UBE3D: variants seen among roughly 807,000 people sequenced by gnomAD.
The protein encoded by UBE3D is E3 ubiquitin-protein ligase E3D.
UBE3D carries 48 observed loss-of-function variants against 49.6 expected under a neutral mutation model. That is an observed-to-expected ratio of 0.97 (90% CI 0.77 to 1.23). The LOEUF is 1.23. UBE3D is among the 50% of genes most tolerant of loss of function. UBE3D has a pLI of 0.00. For missense variants in UBE3D, 452 were observed against 468.4 expected, an observed-to-expected ratio of 0.96 and a Z score of 0.32; for synonymous variants, 189 against 174.2, an observed-to-expected ratio of 1.08 and a Z score of -0.67.
At chr6:82,950,456 G>T (rs1274411848) in intron 9 of UBE3D, among the ~76,000 whole-genome samples, 1 of 152,020 alleles carries the variant, frequency 6.6e-6, no homozygotes, top group Non-Finnish European at 1.5e-5. Context: ...CAGTTTGGAG[G>T]TTCCTCAAAA....
At chr6:83,051,847 T>TGCCA (rs1410810948) in intron 3 of UBE3D, among the ~76,000 whole-genome samples, 1 of 152,222 alleles carries the variant, frequency 6.6e-6, no homozygotes, top group African/African-American at 2.4e-5. Context: ...CTCTCACTTA[T>TGCCA]GCCAGAGTAA....
chr6:83,031,260 C>T (rs1172837416), intron 5 of UBE3D, among the ~76,000 whole-genome samples: 11 of 152,204 alleles, frequency 7.2e-5, no homozygotes, highest in African/African-American at 1.9e-4. Context: ...CCACCTGCCT[C>T]GGCCTCCCAA....
intron 8 of UBE3D, among the ~76,000 whole-genome samples, chr6:83,007,642 T>A (rs1321770150): frequency 6.6e-6 from 1 of 152,248 alleles, no homozygotes; most frequent in Admixed American, 6.5e-5. Context: ...AAGTGGATTA[T>A]ATTTAATAGA....
chr6:82,924,892 G>T (rs563913400), intron 9 of UBE3D: 1 of 152,222 alleles, frequency 6.6e-6, no homozygotes, highest in East Asian at 1.9e-4. Context: ...CTTTTCCTAA[G>T]ATATGGAACC....
intron 8 of UBE3D, among the ~76,000 whole-genome samples, chr6:82,988,064 C>CTCA (rs1331892497): frequency 6.6e-6 from 1 of 152,094 alleles, no homozygotes; most frequent in Non-Finnish European, 1.5e-5. Context: ...TACAACAGTA[C>CTCA]TCATATTTAG....
chr6:83,023,483 T>A (rs1056484670), intron 6 of UBE3D, among the ~76,000 whole-genome samples: 1 of 152,224 alleles, frequency 6.6e-6, no homozygotes, highest in African/African-American at 2.4e-5. Flanking sequence ...TGAATTCCCA[T>A]ATGATCAATT....
chr6:82,959,003 G>C (rs1429553685), intron 8 of UBE3D, among the ~76,000 whole-genome samples: 2 of 152,004 alleles, frequency 1.3e-5, no homozygotes, highest in Non-Finnish European at 1.5e-5. Context: ...TGGAAGATAA[G>C]GTAAATATGT....
chr6:82,887,320 CA>C, the UBE3D span, among the ~76,000 whole-genome samples: 21,700 of 66,842 alleles, frequency 0.32, 2,034 homozygotes, highest in Admixed American at 0.43. Context: ...AAGACTGTCT[CA>C]AAAAAAAAAA....
intron 8 of UBE3D, among the ~76,000 whole-genome samples, chr6:82,972,176 G>A (rs1279057928): frequency 1.3e-5 from 2 of 152,152 alleles, no homozygotes; most frequent in South Asian, 2.1e-4. Context: ...ATCATCTTCA[G>A]TATCCTTGGC....
chr6:83,000,127 G>A (rs1272944026), intron 8 of UBE3D, among the ~76,000 whole-genome samples: 1 of 152,062 alleles, frequency 6.6e-6, no homozygotes, highest in East Asian at 1.9e-4. Flanking sequence ...TCACTGCTCT[G>A]TCTTCCATTC....
chr6:82,986,096 G>A (rs772293353), intron 8 of UBE3D, among the ~76,000 whole-genome samples: 2 of 152,060 alleles, frequency 1.3e-5, no homozygotes, highest in South Asian at 2.1e-4. Context: ...TTGAGTTTGT[G>A]TATTAACTTA....
chr6:83,036,259 G>C (rs1237779855), intron 5 of UBE3D: 1 of 152,028 alleles, frequency 6.6e-6, no homozygotes, highest in Non-Finnish European at 1.5e-5. Context: ...CCTGACCTCA[G>C]GTCATCTGCC....
At chr6:82,996,573 G>C (rs1284917560) in intron 8 of UBE3D, among the ~76,000 whole-genome samples, 1 of 152,052 alleles carries the variant, frequency 6.6e-6, no homozygotes, top group Non-Finnish European at 1.5e-5. Flanking sequence ...AAAGAATACA[G>C]CATGAGAAGG....
At position 83,019,071 on chromosome 6, in the gene UBE3D, T is replaced by C; in HGVS notation, c.912A>G (p.Lys304=). Residue 304 remains lysine, a synonymous_variant, in exon 8 of 10, where the codon AAA becomes AAG. Transcript: ENST00000369747. ...ESLRNSKYIK[K]FPLLENTFKA... is the part of the protein sequence containing the mutation. ...TGAATGTGTTTTCCAACAAGGGGAA[T>C]TTTTTGATATATTTGGAATTTCTCA... is the stretch of plus-strand genomic sequence containing the variant. 1.2e-6 allele frequency: 2 copies of C among 1,613,922 alleles called. No individual in the cohort carries two copies. Among genetic ancestry groups the C allele is most frequent in the South Asian group, 1.1e-5 (1 of 91,054 alleles).
chr6:82,965,583 CAA>C lies in UBE3D; in HGVS notation c.1011-8135_1011-8134del, dbSNP rs35257086. On this transcript the variant is annotated intron_variant, in intron 8 of 9. Coordinates refer to ENST00000369747, the MANE Select transcript of UBE3D (RefSeq NM_198920.3). Reference sequence around the variant, plus strand: ...GGACAACAAGAGCGAAACTCCATCTCAAAAAAAAAAAAAAAAAAAAGAAGAAG... The same window carrying C: ...GGACAACAAGAGCGAAACTCCATCTCAAAAAAAAAAAAAAAAAAGAAGAAG... Among the ~76,000 whole-genome samples the C allele has an allele frequency of 1.6e-3, 134 of 86,336 alleles. 1 individual carries two copies. Among genetic ancestry groups the C allele is most frequent in the East Asian group, 5.0e-3 (15 of 3,006 alleles). 56.6% of individuals were successfully genotyped at this position (86,336 alleles called of 152,430 possible). A position where few individuals can be genotyped will look rare whatever the true frequency, so the allele number is the denominator to read the frequency against.
At chr6:83,032,876 A>T (rs1781981039) in intron 5 of UBE3D, among the ~76,000 whole-genome samples, 1 of 152,122 alleles carries the variant, frequency 6.6e-6, no homozygotes. Context: ...CCATATAAGA[A>T]GTGTCTTTGT....
Position 82,901,571 on chromosome 6 carries a change from T to C in UBE3D, c.1150-8529A>G, listed in dbSNP as rs961985910. ...CTGTTGATCTAGTCCAACCATTTTA[T>C]ATAGCTGAGCAAACCATCCTCGAGA... On this transcript the variant is annotated intron_variant, in intron 9 of 9. Transcript: ENST00000369747. Among the ~76,000 whole-genome samples, 136 of 152,194 alleles carry C rather than the reference T, an allele frequency of 8.9e-4. 2 individuals are homozygous for C. The highest frequency in any genetic ancestry group is 4.6e-4 in the Admixed American group (7 of 15,268).
chr6:82,963,869 A>G (rs12205036), intron 8 of UBE3D, among the ~76,000 whole-genome samples: 24,061 of 152,202 alleles, frequency 0.16, 1,951 homozygotes, highest in African/African-American at 0.17. Context: ...TAAGAACCAT[A>G]GGGCAGAATC....
At chr6:82,916,971 G>A (rs771653909) in intron 9 of UBE3D, among the ~76,000 whole-genome samples, 17 of 152,004 alleles carry the variant, frequency 1.1e-4, no homozygotes, top group Non-Finnish European at 4.4e-5. Flanking sequence ...GTCTAAAAAC[G>A]GACACTGATA....
Sources: gnomAD v4.1 joint callset for allele counts (sites outside exome capture counted in the v4.1 genomes callset) on GRCh38, gnomAD v4.1.1 for gene constraint, MANE v1.5 for transcripts, NCBI Gene and HGNC (gene_info 2026-07-23, HGNC 2026-07-21) for gene names.